ADAMTSL3: variants seen among roughly 807,000 people sequenced by gnomAD.
The protein encoded by ADAMTSL3 is ADAMTS like 3, also known as ADAMTS-like protein 3.
ADAMTSL3 carries 128 observed loss-of-function variants against 201.7 expected under a neutral mutation model. That is an observed-to-expected ratio of 0.63 (90% CI 0.55 to 0.73). ADAMTSL3 has a LOEUF of 0.73. Among genes scored for constraint, ADAMTSL3 ranks in the 30% least tolerant of loss-of-function variants. The pLI is 0.00. For missense variants in ADAMTSL3, 1,990 were observed against 2,119.6 expected (o/e 0.94, Z 1.20); for synonymous variants, 738 against 748.4 (o/e 0.99, Z 0.23).
intron 2 of ADAMTSL3, among the ~76,000 whole-genome samples, chr15:83,679,218 A>T (rs2061446878): frequency 6.6e-6 from 1 of 151,574 alleles, no homozygotes; most frequent in Non-Finnish European, 1.5e-5. Context: ...CTTTTATGAG[A>T]TTTTCTATTT....
At chr15:83,864,830 G>C (rs11632033) in intron 8 of ADAMTSL3, among the ~76,000 whole-genome samples, 21,079 of 152,206 alleles carry the variant, frequency 0.14, 1,893 homozygotes, top group Middle Eastern at 0.33. Flanking sequence ...AATTGTCCCT[G>C]TTTGCAGATG....
chr15:83,710,048 A>T (rs985614164), intron 3 of ADAMTSL3, among the ~76,000 whole-genome samples: 4 of 152,212 alleles, frequency 2.6e-5, no homozygotes, highest in Non-Finnish European at 5.9e-5. Context: ...AAAGGCAGGA[A>T]AAAAGGTTAA....
chr15:83,939,383 T>C (rs2066514883), intron 17 of ADAMTSL3, among the ~76,000 whole-genome samples: 1 of 152,172 alleles, frequency 6.6e-6, no homozygotes, highest in Admixed American at 6.5e-5. Flanking sequence ...TTAATAGATA[T>C]AAGACTATTC....
chr15:83,694,563 A>G (rs938921891), intron 2 of ADAMTSL3, among the ~76,000 whole-genome samples: 1 of 152,176 alleles, frequency 6.6e-6, no homozygotes, highest in Non-Finnish European at 1.5e-5. Flanking sequence ...GTCTTGAAAA[A>G]TGGACTCTTA....
chr15:83,983,380 C>T (rs765298323), intron 21 of ADAMTSL3, 36 bp downstream of exon 21: 25 of 1,343,726 alleles, frequency 1.9e-5, no homozygotes, highest in Non-Finnish European at 2.5e-5. Flanking sequence ...CATTTTTGCA[C>T]TACCTTCTTA....
At chr15:83,904,410 T>C (rs1204469976) in intron 15 of ADAMTSL3, among the ~76,000 whole-genome samples, 2 of 152,170 alleles carry the variant, frequency 1.3e-5, no homozygotes, top group Non-Finnish European at 2.9e-5. Context: ...GGATGCTTGC[T>C]TGTTGACAGT....
At chr15:84,014,766 A>G (rs1342693517) in intron 24 of ADAMTSL3, 42 bp downstream of exon 24, 4 of 1,553,374 alleles carry the variant, frequency 2.6e-6, no homozygotes, top group Non-Finnish European at 3.5e-6. Flanking sequence ...GCCTCCTGTA[A>G]TATGCACAAA....
At chr15:83,823,945 TCTTCTTCTTCTTCTTCTTC>T (rs2063948222) in intron 6 of ADAMTSL3, among the ~76,000 whole-genome samples, 1 of 87,990 alleles carries the variant, frequency 1.1e-5, no homozygotes, top group Admixed American at 1.4e-4. Flanking sequence ...TTCTTCTTCT[TCTTCTTCTTCTTCTTCTTC>T]TTCTTCTTCT....
chr15:83,892,825 C>A lies in ADAMTSL3; in HGVS notation c.1404C>A (p.Pro468=), dbSNP rs2065537712. The change falls in exon 13 of 30, where the codon CCC becomes CCA. Residue 468 remains proline (P), a synonymous_variant. Transcript: ENST00000286744. ...GGAAGTGCATGTACGCACCCAAACCCAAGGTTATGCAAACTTGTAATCTGT... is the reference window on the plus strand; with the variant it reads ...GGAAGTGCATGTACGCACCCAAACCAAAGGTTATGCAAACTTGTAATCTGT... The part of the protein sequence containing the change: ...EEWKCMYAPK[P]KVMQTCNLFD... The A allele has an allele frequency of 6.2e-7, 1 of 1,613,936 alleles. No individual in the cohort carries two copies. Among genetic ancestry groups the A allele is most frequent in the African/African-American group, 1.3e-5 (1 of 74,888 alleles).
chr15:83,795,263 GCAA>G (rs58698546), intron 4 of ADAMTSL3, among the ~76,000 whole-genome samples: 57,227 of 150,874 alleles, frequency 0.38, 11,555 homozygotes, highest in South Asian at 0.64. Flanking sequence ...AACAGCAGCA[GCAA>G]CAACAACAAC....
At chr15:83,885,257 G>A in intron 10 of ADAMTSL3, 45 bp downstream of exon 10, 2 of 1,453,264 alleles carry the variant, frequency 1.4e-6, no homozygotes, top group Non-Finnish European at 1.9e-6. Flanking sequence ...CTCAGAGTTA[G>A]ATAAATTAGA....
chr15:83,703,644 A>G (rs2061806212), intron 2 of ADAMTSL3, among the ~76,000 whole-genome samples: 2 of 152,104 alleles, frequency 1.3e-5, no homozygotes, highest in Non-Finnish European at 2.9e-5. Flanking sequence ...ACCTCCTGCC[A>G]TGATACTGAG....
chr15:83,775,034 A>G (rs940754494), intron 4 of ADAMTSL3, among the ~76,000 whole-genome samples: 14 of 152,020 alleles, frequency 9.2e-5, no homozygotes, highest in African/African-American at 2.9e-4. Context: ...TTTAATAGAG[A>G]TGGGGTTTCA....
At chr15:83,850,071 T>C (rs141781028) in intron 7 of ADAMTSL3, among the ~76,000 whole-genome samples, 15 of 152,044 alleles carry the variant, frequency 9.9e-5, no homozygotes, top group African/African-American at 3.6e-4. Flanking sequence ...ATACAAAAAC[T>C]GATTCTATGC....
At chr15:83,779,877 A>G (rs940167117) in intron 4 of ADAMTSL3, among the ~76,000 whole-genome samples, 3 of 152,176 alleles carry the variant, frequency 2.0e-5, no homozygotes, top group South Asian at 4.1e-4. Flanking sequence ...GTTATTTGAA[A>G]CTAATGAGAA....
chr15:83,856,798 C>T (rs570158884), intron 7 of ADAMTSL3, among the ~76,000 whole-genome samples: 1 of 152,236 alleles, frequency 6.6e-6, no homozygotes, highest in African/African-American at 2.4e-5. Flanking sequence ...GTTTGTGTCC[C>T]TGCTTTCAAT....
intron 3 of ADAMTSL3, among the ~76,000 whole-genome samples, chr15:83,735,391 T>C (rs2062354205): frequency 6.6e-6 from 1 of 152,124 alleles, no homozygotes; most frequent in Non-Finnish European, 1.5e-5. Context: ...CTGTTCCTTA[T>C]TTTAACAAGG....
chr15:83,800,957 C>G (rs1258504376), intron 4 of ADAMTSL3, among the ~76,000 whole-genome samples: 1 of 152,082 alleles, frequency 6.6e-6, no homozygotes, highest in African/African-American at 2.4e-5. Flanking sequence ...ATGACCTTTT[C>G]AATAGGCATA....
chr15:83,744,540 T>G (rs2062512532), intron 3 of ADAMTSL3, among the ~76,000 whole-genome samples: 1 of 152,224 alleles, frequency 6.6e-6, no homozygotes, highest in Non-Finnish European at 1.5e-5. Flanking sequence ...TATGCATACA[T>G]TGTGGACTGG....
Sources: gnomAD v4.1 joint callset for allele counts (sites outside exome capture counted in the v4.1 genomes callset) on GRCh38, gnomAD v4.1.1 for gene constraint, MANE v1.5 for transcripts, NCBI Gene and HGNC (gene_info 2026-07-23, HGNC 2026-07-21) for gene names.